RYR3: variants seen among roughly 807,000 people sequenced by gnomAD.
RYR3 encodes the protein brain ryanodine receptor-calcium release channel.
In RYR3, 207 loss-of-function variants were observed where a neutral mutation model predicts 584.3. That is an observed-to-expected ratio of 0.35 (90% CI 0.32 to 0.40). RYR3 has a LOEUF of 0.40. Among genes scored for constraint, RYR3 ranks in the 10% least tolerant of loss-of-function variants. The probability of loss-of-function intolerance (pLI) is 1.00; values close to 1 mark genes in which losing one functional copy is unlikely to be tolerated. For missense variants in RYR3, 5,616 were observed against 6,089.2 expected (o/e 0.92, Z 2.59); for synonymous variants, 2,416 against 2,248.5 (o/e 1.07, Z -2.11).
chr15:33,345,079 C>T (rs1400663065), intron 1 of RYR3, among the ~76,000 whole-genome samples: 3 of 152,056 alleles, frequency 2.0e-5, no homozygotes, highest in Admixed American at 6.6e-5. Flanking sequence ...TAGTCCACTG[C>T]TTTTTTTCTT....
chr15:33,498,889 A>G (rs750176820), intron 2 of RYR3, among the ~76,000 whole-genome samples: 1 of 152,068 alleles, frequency 6.6e-6, no homozygotes, highest in Non-Finnish European at 1.5e-5. Flanking sequence ...ATTCTTCAGC[A>G]TATGCACGTT....
intron 5 of RYR3, among the ~76,000 whole-genome samples, chr15:33,535,658 T>C (rs1224549183): frequency 6.6e-6 from 1 of 152,182 alleles, no homozygotes; most frequent in Non-Finnish European, 1.5e-5. Flanking sequence ...TTGATACTTT[T>C]TGAGATTGGA....
intron 54 of RYR3, 67 bp downstream of exon 54, chr15:33,748,327 G>T: frequency 6.3e-7 from 1 of 1,583,024 alleles, no homozygotes; most frequent in Non-Finnish European, 8.6e-7. Context: ...GGAATGTTCT[G>T]CCTGGGGCAT....
At chr15:33,579,180 G>A (rs2058469265) in intron 12 of RYR3, among the ~76,000 whole-genome samples, 1 of 152,018 alleles carries the variant, frequency 6.6e-6, no homozygotes, top group Admixed American at 6.6e-5. Context: ...GAGAGATAGG[G>A]GACACTGAGA....
rs2069746278 is a variant in RYR3, at chr15:33,738,598, C to T, written c.7656+8C>T. On this transcript the variant is annotated splice_region_variant and intron_variant, in intron 50 of 103. Transcript: ENST00000634891. ...GACTCGCTCTCCCATAAGGTAATGA[C>T]AGTACTTTCTGAACAAAAAGAGAGC... 1 of 1,613,708 alleles carries T rather than the reference C, an allele frequency of 6.2e-7. No individual in the cohort carries two copies. Among genetic ancestry groups the T allele is most frequent in the South Asian group, 1.1e-5 (1 of 91,042 alleles).
rs778361684 is a variant in RYR3 at position 33,819,796 on chromosome 15, A to C, written c.10747A>C (p.Met3583Leu). ...DDPLYTSYSS[M>L]MAKSCQSGED... ...CCCTTTGTACACCTCCTATTCCAGC[A>C]TGATGGCCAAGGTACACCCAGGTTT... Residue 3583 changes from methionine (M) to leucine (L), a missense_variant, in exon 77 of 104, where the codon ATG becomes CTG. This residue lies in a region of RYR3 where 954 missense variants were observed against 1,132.2 expected (regional missense o/e 0.84). Coordinates refer to ENST00000634891, the MANE Select transcript of RYR3 (RefSeq NM_001036.6). 5.7e-6 allele frequency: 9 copies of C among 1,588,732 alleles called. No homozygotes were observed. The African/African-American group carries it at 1.2e-4, about 21-fold the overall frequency.
At chr15:33,756,660 A>C (rs889977390) in intron 59 of RYR3, among the ~76,000 whole-genome samples, 1 of 152,274 alleles carries the variant, frequency 6.6e-6, no homozygotes, top group Non-Finnish European at 1.5e-5. Flanking sequence ...GCTCACCTGC[A>C]CTGCATCTGT....
chr15:33,703,257 G>A (rs1832710663), intron 42 of RYR3, among the ~76,000 whole-genome samples: 1 of 152,210 alleles, frequency 6.6e-6, no homozygotes, highest in Non-Finnish European at 1.5e-5. Flanking sequence ...CCGTGTTTGT[G>A]CAGCATATTT....
In RYR3 at chr15:33,584,435, C is replaced by T. The variant is rs367565360; in HGVS notation, c.1614C>T (p.Phe538=). The T allele has an allele frequency of 3.1e-5, 50 of 1,608,770 alleles. No homozygotes were observed. The African/African-American group carries it at 6.4e-4, about 21-fold the overall frequency. Residue 538 remains phenylalanine (F), a synonymous_variant, in exon 15 of 104, where the codon TTC becomes TTT. Coordinates refer to ENST00000634891, the MANE Select transcript of RYR3 (RefSeq NM_001036.6). ...IRGNRNNCAQ[F]SNNLDWLISK... ...GAAACAGAAACAATTGCGCTCAATT[C>T]TCCAATAACCTTGATTGGCTCATCA...
intron 5 of RYR3, among the ~76,000 whole-genome samples, chr15:33,536,868 A>G: frequency 6.6e-6 from 1 of 152,282 alleles, no homozygotes; most frequent in Non-Finnish European, 1.5e-5. Context: ...CCACTTGTTT[A>G]TAATATACAT....
chr15:33,357,267 A>G (rs1180784917), intron 1 of RYR3, among the ~76,000 whole-genome samples: 1 of 152,170 alleles, frequency 6.6e-6, no homozygotes, highest in Non-Finnish European at 1.5e-5. Flanking sequence ...ATCAAGAAAG[A>G]TTTTCTTAAT....
At chr15:33,855,050 T>A in intron 98 of RYR3, 138 bp downstream of exon 98, 3 of 874,788 alleles carry the variant, frequency 3.4e-6, no homozygotes, top group Non-Finnish European at 4.7e-6. Context: ...ACACTTCAAC[T>A]AATGGTGATT....
intron 48 of RYR3, among the ~76,000 whole-genome samples, chr15:33,733,590 G>A (rs2069147942): frequency 6.6e-6 from 1 of 152,186 alleles, no homozygotes; most frequent in Admixed American, 6.5e-5. Flanking sequence ...TCAGGGGTTG[G>A]GGGAGGGAGA....
chr15:33,716,922 T>G (rs901783560), intron 43 of RYR3, among the ~76,000 whole-genome samples: 6 of 152,202 alleles, frequency 3.9e-5, no homozygotes, highest in African/African-American at 1.4e-4. Flanking sequence ...AATGGCAGTA[T>G]TATGATCCTT....
rs768906124 is a variant in RYR3 at position 33,628,463 on chromosome 15, T to C, written c.2575-8T>C. ...ATCGATTCTTTTCACTTGCTCCTTT[T>C]CCTTTAGGTTATTTTGCCACCTCAC... On this transcript the variant is annotated splice_polypyrimidine_tract_variant and splice_region_variant and intron_variant, in intron 20 of 103. Transcript: ENST00000634891. 1.1e-5 allele frequency: 18 copies of C among 1,586,308 alleles called. No individual in the cohort carries two copies. In the East Asian group the frequency reaches 3.6e-4, roughly 32 times the overall value.
chr15:33,728,780 G>A (rs1567040655), intron 46 of RYR3, 77 bp from the exon 47 acceptor site: 1 of 1,393,498 alleles, frequency 7.2e-7, no homozygotes, highest in Non-Finnish European at 9.7e-7. Context: ...ATAAGCTATA[G>A]ACAGACAAGC....
At chr15:33,745,986 A>G (rs957400962) in intron 52 of RYR3, 82 bp from the exon 53 acceptor site, 6 of 907,870 alleles carry the variant, frequency 6.6e-6, no homozygotes, top group Non-Finnish European at 1.8e-6. Context: ...CACTTGCTCC[A>G]TGAAAATAGA....
intron 1 of RYR3, among the ~76,000 whole-genome samples, chr15:33,468,038 G>A (rs546489562): frequency 6.6e-6 from 1 of 152,276 alleles, no homozygotes; most frequent in African/African-American, 2.4e-5. Context: ...CTTAGAGTAA[G>A]AGAGCCCGTT....
At chr15:33,711,114 G>A (rs1376591761) in intron 43 of RYR3, among the ~76,000 whole-genome samples, 1 of 152,064 alleles carries the variant, frequency 6.6e-6, no homozygotes, top group African/African-American at 2.4e-5. Context: ...TGGCAAGGCT[G>A]CAAATTTTCC....
Sources: allele counts gnomAD v4.1 joint callset (sites outside exome capture counted in the v4.1 genomes callset), GRCh38; gene constraint gnomAD v4.1.1; regional missense constraint gnomAD v4.1.1; transcripts MANE v1.5; gene names NCBI Gene and HGNC (gene_info 2026-07-23, HGNC 2026-07-21).